The following KLK7 variants were observed in gnomAD, a reference collection of about 807,000 sequenced individuals.
KLK7 encodes kallikrein-7.
Under a neutral mutation model 21.0 loss-of-function variants are expected in KLK7, and 17 were observed. The observed-to-expected ratio is 0.81, with a 90% CI of 0.55 to 1.21. The LOEUF (loss-of-function observed/expected upper bound fraction) is 1.21, where lower values mean the gene tolerates loss of function less well. KLK7 is among the 50% of genes most tolerant of loss of function. KLK7 has a pLI of 0.00. For missense variants in KLK7, 330 were observed against 322.8 expected, an observed-to-expected ratio of 1.02 and a Z score of -0.17; for synonymous variants, 151 against 134.6, an observed-to-expected ratio of 1.12 and a Z score of -0.85.
At chr19:50,982,250 G>T in intron 2 of KLK7, 77 bp downstream of exon 2, 1 of 1,543,364 alleles carries the variant, frequency 6.5e-7, no homozygotes, top group East Asian at 2.3e-5. Flanking sequence ...GGAGGGAAGG[G>T]TTCTGACTCA....
Position 50,983,754 on chromosome 19 carries a change from C to T in KLK7, c.-59+97G>A, listed in dbSNP as rs531873530. 1.8e-5 allele frequency: 23 copies of T among 1,260,776 alleles called. No homozygotes were observed. The Admixed American group carries it at 4.7e-4, about 26-fold the overall frequency. 78.1% of individuals were successfully genotyped at this position (1,260,776 alleles called of 1,614,324 possible). The stretch of plus-strand genomic sequence containing the variant: ...GCCCTCACTGCTCAGGACCGGGAGT[C>T]TAGGCTGCAGCCCCTACCTCTCGAG... On this transcript the variant is annotated intron_variant, in intron 1 of 5. Coordinates refer to ENST00000595820, the MANE Select transcript of KLK7 (RefSeq NM_005046.4).
chr19:50,976,679 A>T lies in KLK7; in HGVS notation c.*857T>A, dbSNP rs964292586. On this transcript the variant is annotated 3_prime_UTR_variant, in exon 6 of 6. Coordinates refer to ENST00000595820, the MANE Select transcript of KLK7 (RefSeq NM_005046.4). ...TTTGTCCTTCCTTTTGTCATTTAAC[A>T]TCCTATAGCCTAAATGTTCTTGAAT... 2 of 152,178 alleles carry T rather than the reference A, an allele frequency of 1.3e-5. No homozygotes were observed. Among genetic ancestry groups the T allele is most frequent in the Non-Finnish European group, 2.9e-5 (2 of 68,032 alleles). The allele number at this position is 152,178 out of a possible 1,614,324, so 9.4% of individuals were successfully genotyped here.
rs779323639 is a variant in KLK7 at position 50,977,295 on chromosome 19, G to T, written c.*241C>A. 1 of 511,544 alleles carries T rather than the reference G, an allele frequency of 2.0e-6. No homozygotes were observed. The highest frequency in any genetic ancestry group is 3.5e-6 in the Non-Finnish European group (1 of 286,976). 31.7% of individuals were successfully genotyped at this position (511,544 alleles called of 1,614,324 possible). A position where few individuals can be genotyped will look rare whatever the true frequency, so the allele number is the denominator to read the frequency against. On this transcript the variant is annotated 3_prime_UTR_variant, in exon 6 of 6. Coordinates refer to ENST00000595820, the MANE Select transcript of KLK7 (RefSeq NM_005046.4). ...TCCGTAAAGACTGTACGAACGTCCA[G>T]TTCCAGTGTTTGAGAGTGCTGGTCT...
chr19:50,980,165 G>A, intron 4 of KLK7, 75 bp downstream of exon 4: 2 of 1,497,476 alleles, frequency 1.3e-6, no homozygotes, highest in Non-Finnish European at 1.8e-6. Flanking sequence ...AGGGAGGAGG[G>A]GCTGGGGGCC....
rs748169047 is a variant in KLK7, at chr19:50,982,372, G to T, written c.28C>A (p.Gln10Lys). ...AAGGCTAAGGATAGCAGTAAGATCT[G>T]CAGGGGCAGGAGAAGGGATCTTGCC... MARSLLLPL[Q>K]ILLLSLALET... Residue 10 changes from glutamine to lysine, a missense_variant, in exon 2 of 6, where the codon CAG becomes AAG. Transcript: ENST00000595820. The T allele has an allele frequency of 6.2e-7, 1 of 1,609,582 alleles. No homozygotes were observed. The highest frequency in any genetic ancestry group is 8.5e-7 in the Non-Finnish European group (1 of 1,178,110).
At chr19:50,981,736 C>G in intron 3 of KLK7, 31 bp downstream of exon 3, 1 of 1,537,858 alleles carries the variant, frequency 6.5e-7, no homozygotes. Flanking sequence ...GACGCTGGTG[C>G]ACCTCCAGCA....
chr19:50,979,742 G>C, intron 5 of KLK7, 46 bp downstream of exon 5: 1 of 1,547,396 alleles, frequency 6.5e-7, no homozygotes, highest in Non-Finnish European at 8.7e-7. Flanking sequence ...GGGGCATGCA[G>C]ACAGGGTACC....
Position 50,978,895 on chromosome 19 carries a change from G to A in KLK7, c.606+893C>T, listed in dbSNP as rs553650577. Among the ~76,000 whole-genome samples the A allele has an allele frequency of 1.9e-3, 231 of 122,298 alleles. 7 individuals are homozygous for A. Among genetic ancestry groups the A allele is most frequent in the Admixed American group, 0.017 (224 of 12,896 alleles). The allele number at this position is 122,298 out of a possible 152,430, so 80.2% of individuals were successfully genotyped here. On this transcript the variant is annotated intron_variant, in intron 5 of 5. Transcript: ENST00000595820. ...AGAGAGAGGAAAAAAGAGAGAGCAGGGGGGCAGGGAGAGGAGAGAGGGAGG... is the reference window on the plus strand; with the variant it reads ...AGAGAGAGGAAAAAAGAGAGAGCAGAGGGGCAGGGAGAGGAGAGAGGGAGG...
chr19:50,977,172 T>G lies in KLK7; in HGVS notation c.*364A>C. The G allele has an allele frequency of 5.6e-6, 1 of 179,758 alleles. No homozygotes were observed. Among genetic ancestry groups the G allele is most frequent in the Non-Finnish European group, 1.2e-5 (1 of 86,584 alleles). The allele number at this position is 179,758 out of a possible 1,614,324, so 11.1% of individuals were successfully genotyped here. A position where few individuals can be genotyped will look rare whatever the true frequency, so the allele number is the denominator to read the frequency against. On this transcript the variant is annotated 3_prime_UTR_variant, in exon 6 of 6. Transcript: ENST00000595820. ...TGGTAAATTCAAGTCTTGTTCTACA[T>G]TTTGGATTTTTTTTGTTTCAGTAGG...
At chr19:50,981,279 G>A (rs1404054466) in intron 3 of KLK7, among the ~76,000 whole-genome samples, 1 of 137,408 alleles carries the variant, frequency 7.3e-6, no homozygotes, top group Admixed American at 7.1e-5. Flanking sequence ...AGAAAGAGAG[G>A]AGGGGGAACA....
rs573061298 is a variant in KLK7, at chr19:50,977,290, G to A, written c.*246C>T. 37 of 492,914 alleles carry A rather than the reference G, an allele frequency of 7.5e-5. No homozygotes were observed. The Admixed American group carries it at 1.2e-3, about 15-fold the overall frequency. The allele number at this position is 492,914 out of a possible 1,614,324, so 30.5% of individuals were successfully genotyped here. ...TGTCTTCCGTAAAGACTGTACGAACGTCCAGTTCCAGTGTTTGAGAGTGCT... is the reference window on the plus strand; with the variant it reads ...TGTCTTCCGTAAAGACTGTACGAACATCCAGTTCCAGTGTTTGAGAGTGCT... On this transcript the variant is annotated 3_prime_UTR_variant, in exon 6 of 6. Transcript: ENST00000595820.
Position 50,980,278 on chromosome 19 carries a change from C to T in KLK7, c.431G>A (p.Cys144Tyr), listed in dbSNP as rs909436761. The change falls in exon 4 of 6, where the codon TGT (cysteine) becomes TAT (tyrosine). Residue 144 changes from cysteine to tyrosine, a missense_variant. Cys to Tyr is a radical substitution (Grantham distance 194). Transcript: ENST00000595820. ...GGTAGTGCCCCAGCCGGAGACAGTA[C>T]AGGTGGTTCCAGGGGGTTCGCAGCG... ...PSRCEPPGTT[C>Y]TVSGWGTTTS... The T allele has an allele frequency of 1.2e-6, 2 of 1,614,006 alleles. No individual in the cohort carries two copies. Among genetic ancestry groups the T allele is most frequent in the Non-Finnish European group, 1.7e-6 (2 of 1,179,960 alleles).
At chr19:50,982,155 G>A in intron 2 of KLK7, 172 bp downstream of exon 2, 1 of 946,636 alleles carries the variant, frequency 1.1e-6, no homozygotes. Flanking sequence ...GCCTGGAGGG[G>A]ACAGAGACCC....
At position 50,977,386 on chromosome 19, in the gene KLK7, C is replaced by A. The variant is rs1335816236; in HGVS notation, c.*150G>T. 4.4e-5 allele frequency: 33 copies of A among 758,140 alleles called. No individual in the cohort carries two copies. Among genetic ancestry groups the A allele is most frequent in the Non-Finnish European group, 6.7e-5 (31 of 465,424 alleles). 47.0% of individuals were successfully genotyped at this position (758,140 alleles called of 1,614,324 possible). ...ATTTGTTTTGGTTTTAGGTCTTTAC[C>A]AATTTGATTGGTTTATCAACAGGGC... On this transcript the variant is annotated 3_prime_UTR_variant, in exon 6 of 6. Coordinates refer to ENST00000595820, the MANE Select transcript of KLK7 (RefSeq NM_005046.4).
At chr19:50,982,963 C>T (rs2091102194) in intron 1 of KLK7, among the ~76,000 whole-genome samples, 2 of 46,354 alleles carry the variant, frequency 4.3e-5, no homozygotes, top group South Asian at 9.3e-4. Flanking sequence ...AGGCCCCCAG[C>T]TCCTCCTCCC....
chr19:50,978,004 A>T (rs180910714), intron 5 of KLK7, among the ~76,000 whole-genome samples: 227 of 152,254 alleles, frequency 1.5e-3, no homozygotes, highest in African/African-American at 5.3e-3. Flanking sequence ...AAGGAACATC[A>T]TCTCCAAGGG....
rs995953398 is a variant in KLK7, at chr19:50,982,430, A to C, written c.-31T>G. ...CCTGCTGAGCCGCTCAGGGGCTGCC[A>C]GGCGAGGAAGGGCCTCTCCTGCTGG... On this transcript the variant is annotated 5_prime_UTR_variant, in exon 2 of 6. Transcript: ENST00000595820. The C allele has an allele frequency of 3.2e-6, 5 of 1,585,900 alleles. No individual in the cohort carries two copies. The highest frequency in any genetic ancestry group is 3.6e-5 in the Admixed American group (2 of 54,850).
At chr19:50,981,436 A>AG (rs1156584125) in intron 3 of KLK7, among the ~76,000 whole-genome samples, 4 of 97,982 alleles carry the variant, frequency 4.1e-5, no homozygotes, top group East Asian at 3.6e-4. Flanking sequence ...ATCCAGAGAG[A>AG]GAGGGGGACA....
chr19:50,977,238 TA>T lies in KLK7; in HGVS notation c.*297del. The T allele has an allele frequency of 3.4e-6, 1 of 291,214 alleles. No individual in the cohort carries two copies. The highest frequency in any genetic ancestry group is 6.1e-5 in the East Asian group (1 of 16,358). 18.0% of individuals were successfully genotyped at this position (291,214 alleles called of 1,614,324 possible). ...GAGTTACTGGGTCAAAGGTGGTGAATAAGGGTCTCGGTGTACGTTGACCAAG... is the reference window on the plus strand; with the variant it reads ...GAGTTACTGGGTCAAAGGTGGTGAATAGGGTCTCGGTGTACGTTGACCAAG... On this transcript the variant is annotated 3_prime_UTR_variant, in exon 6 of 6. Coordinates refer to ENST00000595820, the MANE Select transcript of KLK7 (RefSeq NM_005046.4).
Sources: allele counts gnomAD v4.1 joint callset (sites outside exome capture counted in the v4.1 genomes callset), GRCh38; gene constraint gnomAD v4.1.1; transcripts MANE v1.5; gene names NCBI Gene and HGNC (gene_info 2026-07-23, HGNC 2026-07-21).